The following ATXN7L1 variants were observed in gnomAD, a reference collection of about 807,000 sequenced individuals.
ATXN7L1 encodes the protein ataxin-7-like protein 1.
ATXN7L1 carries 15 observed loss-of-function variants against 70.8 expected under a neutral mutation model. The ratio of observed to expected loss-of-function variants is 0.21; its 90% CI spans 0.14 to 0.33. ATXN7L1 has a LOEUF of 0.33. ATXN7L1 is among the 10% of genes least tolerant of loss of function. ATXN7L1 has a pLI of 1.00. For synonymous variants in ATXN7L1, 440 were observed against 445.1 expected (o/e 0.99, Z 0.14); for missense variants, 975 against 1,097.1 (o/e 0.89, Z 1.57).
At chr7:105,760,887 C>T (rs2116411971) in intron 3 of ATXN7L1, 1 of 158,508 alleles carries the variant, frequency 6.3e-6, no homozygotes, top group Admixed American at 6.5e-5. Flanking sequence ...GCCAGCTTGA[C>T]TGGAATATAG....
chr7:105,837,109 G>T (rs1164754380), intron 2 of ATXN7L1, among the ~76,000 whole-genome samples: 3 of 152,106 alleles, frequency 2.0e-5, no homozygotes, highest in African/African-American at 4.8e-5. Flanking sequence ...ACTTTTCAAA[G>T]ATCAGATCTT....
intron 3 of ATXN7L1, among the ~76,000 whole-genome samples, chr7:105,694,456 C>T (rs1202995332): frequency 6.6e-6 from 1 of 152,174 alleles, no homozygotes; most frequent in Non-Finnish European, 1.5e-5. Flanking sequence ...ATGCACATTA[C>T]ATTATTTGAT....
chr7:105,622,863 A>G (rs981246557), intron 8 of ATXN7L1, among the ~76,000 whole-genome samples: 11 of 152,158 alleles, frequency 7.2e-5, no homozygotes, highest in African/African-American at 2.2e-4. Flanking sequence ...AGGATGTAAT[A>G]TCGGAGCAGC....
At chr7:105,750,983 C>T (rs1340596739) in intron 3 of ATXN7L1, among the ~76,000 whole-genome samples, 1 of 152,180 alleles carries the variant, frequency 6.6e-6, no homozygotes, top group Non-Finnish European at 1.5e-5. Context: ...GGCTGCCTCA[C>T]TGTTGTTTTT....
chr7:105,659,478 TA>T lies in ATXN7L1; in HGVS notation c.578+5587del, dbSNP rs1000310818. Among the ~76,000 whole-genome samples the T allele has an allele frequency of 3.6e-3, 554 of 151,928 alleles. 3 individuals are homozygous for T. Among genetic ancestry groups the T allele is most frequent in the African/African-American group, 0.013 (523 of 41,430 alleles). ...ACCAGAGAAAGTGTCACATGTGAGG[TA>T]AAAATTAAGTGCTCCGGGGATTAAA... On this transcript the variant is annotated intron_variant, in intron 4 of 11. Transcript: ENST00000419735.
intron 3 of ATXN7L1, among the ~76,000 whole-genome samples, chr7:105,725,492 T>C (rs1411779829): frequency 6.6e-6 from 1 of 152,166 alleles, no homozygotes; most frequent in Admixed American, 6.5e-5. Context: ...CATTCCCCAG[T>C]GCATGGATTG....
intron 2 of ATXN7L1, among the ~76,000 whole-genome samples, chr7:105,829,309 G>A (rs575879519): frequency 1.2e-4 from 19 of 152,206 alleles, no homozygotes; most frequent in South Asian, 2.1e-4. Flanking sequence ...TGGGCGTGGC[G>A]GCGTACACCT....
chr7:105,620,502 A>G (rs1260299188), intron 8 of ATXN7L1, among the ~76,000 whole-genome samples, 181 bp from the exon 9 acceptor site: 4 of 152,202 alleles, frequency 2.6e-5, no homozygotes, highest in Non-Finnish European at 4.4e-5. Context: ...TTTTCTGCAG[A>G]ACCTCATATT....
At chr7:105,743,561 C>T (rs1014486893) in intron 3 of ATXN7L1, among the ~76,000 whole-genome samples, 9 of 149,078 alleles carry the variant, frequency 6.0e-5, no homozygotes, top group African/African-American at 2.0e-4. Context: ...CCACTCAGGG[C>T]GACACTGAGA....
intron 2 of ATXN7L1, among the ~76,000 whole-genome samples, chr7:105,850,472 C>T (rs1191714415): frequency 3.3e-5 from 5 of 152,236 alleles, no homozygotes; most frequent in African/African-American, 7.2e-5. Flanking sequence ...GCTGTGTGTT[C>T]ACTTCCTTCA....
chr7:105,866,209 A>C (rs1273651228), intron 2 of ATXN7L1, among the ~76,000 whole-genome samples: 2 of 152,140 alleles, frequency 1.3e-5, no homozygotes, highest in African/African-American at 4.8e-5. Context: ...ACAGATTTAC[A>C]ATTAGCATCA....
At chr7:105,636,455 C>G (rs1022402755) in intron 7 of ATXN7L1, among the ~76,000 whole-genome samples, 19 of 149,256 alleles carry the variant, frequency 1.3e-4, no homozygotes, top group African/African-American at 3.7e-4. Flanking sequence ...CTGCCCCCCC[C>G]ACCCCCACTT....
At chr7:105,768,443 C>T (rs934526516) in intron 3 of ATXN7L1, among the ~76,000 whole-genome samples, 7 of 152,062 alleles carry the variant, frequency 4.6e-5, no homozygotes, top group Non-Finnish European at 7.4e-5. Context: ...GAATGAGAGA[C>T]GTTAACAGGA....
intron 3 of ATXN7L1, among the ~76,000 whole-genome samples, chr7:105,700,827 G>A (rs1052149292): frequency 4.6e-5 from 7 of 151,958 alleles, no homozygotes; most frequent in African/African-American, 1.7e-4. Context: ...GACTACAGGC[G>A]CACACTACCG....
At chr7:105,710,345 A>T (rs1793731011) in intron 3 of ATXN7L1, among the ~76,000 whole-genome samples, 1 of 151,514 alleles carries the variant, frequency 6.6e-6, no homozygotes, top group Non-Finnish European at 1.5e-5. Context: ...GGAAGCAAGC[A>T]CGTCTTACTA....
Position 105,691,600 on chromosome 7 carries a change from A to G in ATXN7L1, c.356-26312T>C, listed in dbSNP as rs1584742890. 7 of 150,916 alleles carry G rather than the reference A, an allele frequency of 4.6e-5. No individual in the cohort carries two copies. In the South Asian group the frequency reaches 1.5e-3, roughly 31 times the overall value. The allele number at this position is 150,916 out of a possible 1,614,324, so 9.3% of individuals were successfully genotyped here. On this transcript the variant is annotated intron_variant, in intron 3 of 11. Transcript: ENST00000419735. ...GCCAACTTAATCTGATGCTACGACG[A>G]CTGTAAACATGTTGTACTTTTGGAA... is the stretch of plus-strand genomic sequence containing the variant.
intron 3 of ATXN7L1, among the ~76,000 whole-genome samples, chr7:105,704,260 A>C (rs1792845016): frequency 6.6e-6 from 1 of 152,170 alleles, no homozygotes; most frequent in African/African-American, 2.4e-5. Flanking sequence ...CACTACTATA[A>C]GCCTCATGAA....
chr7:105,757,522 AC>A (rs1314946128), intron 3 of ATXN7L1, among the ~76,000 whole-genome samples: 6 of 150,134 alleles, frequency 4.0e-5, no homozygotes, highest in African/African-American at 1.5e-4. Context: ...AAAAAGGCAG[AC>A]ATTCAAAAGC....
intron 10 of ATXN7L1, chr7:105,613,500 T>C: frequency 8.7e-7 from 1 of 1,149,134 alleles, no homozygotes; most frequent in South Asian, 2.4e-5. Flanking sequence ...TTAATGACAA[T>C]GTTCTCAGAA....
Sources: gnomAD v4.1 joint callset for allele counts (sites outside exome capture counted in the v4.1 genomes callset) on GRCh38, gnomAD v4.1.1 for gene constraint, MANE v1.5 for transcripts, NCBI Gene and HGNC (gene_info 2026-07-23, HGNC 2026-07-21) for gene names.